Variants in SMIM23 observed in about 807,000 individuals in gnomAD.
SMIM23 encodes the protein small integral membrane protein 23.
Under a neutral mutation model 12.8 loss-of-function variants are expected in SMIM23, and 10 were observed. The ratio of observed to expected loss-of-function variants is 0.78; its 90% confidence interval spans 0.48 to 1.32. SMIM23 has a LOEUF of 1.32. Ranked by LOEUF, SMIM23 falls within the 40% of genes most tolerant of loss-of-function variation. SMIM23 has a pLI of 0.00. For missense variants in SMIM23, 184 were observed against 198.2 expected, an observed-to-expected ratio of 0.93 and a Z score of 0.43; for synonymous variants, 78 against 80.1, an observed-to-expected ratio of 0.97 and a Z score of 0.14.
At chr5:171,774,398 CA>C in the SMIM23 span, 1 of 456,270 alleles carries the variant, frequency 2.2e-6, no homozygotes, top group East Asian at 6.9e-5. Flanking sequence ...GTTACACAGG[CA>C]GTTAGCAGAA....
chr5:171,778,092 G>C (rs1581068826), upstream of SMIM23, among the ~76,000 whole-genome samples: 1 of 152,240 alleles, frequency 6.6e-6, no homozygotes, highest in Non-Finnish European at 1.5e-5. Flanking sequence ...GGGCACAGTG[G>C]CTCATGCCTG....
In SMIM23 at chr5:171,791,024, T is replaced by C. The variant is rs1642499282; in HGVS notation, c.455T>C (p.Leu152Pro). 1 of 1,534,046 alleles carries C rather than the reference T, an allele frequency of 6.5e-7. No homozygotes were observed. The highest frequency in any genetic ancestry group is 8.7e-7 in the Non-Finnish European group (1 of 1,146,386). Residue 152 changes from leucine (L) to proline (P), a missense_variant, in exon 4 of 4, where the codon CTG (leucine) becomes CCG (proline). By Grantham distance (98) the Leu-to-Pro change is moderately conservative. Coordinates refer to ENST00000523047, the MANE Select transcript of SMIM23 (RefSeq NM_001289970.2). ...CACTTGTGGGAGTGGGCCTGGGCCC[T>C]GGGGAGAGAGCACAAAGGTGGGGAG... ...KSHLWEWAWALGREHKGGEGL... is the reference protein window; with the variant it reads ...KSHLWEWAWAPGREHKGGEGL...
chr5:171,778,885 C>T (rs1043998196), upstream of SMIM23, among the ~76,000 whole-genome samples: 2 of 152,202 alleles, frequency 1.3e-5, no homozygotes, highest in African/African-American at 4.8e-5. Context: ...TGCCCCTGCC[C>T]ATGGTCCCAA....
chr5:171,789,481 A>T (rs1755882894), intron 1 of SMIM23, among the ~76,000 whole-genome samples: 1 of 152,258 alleles, frequency 6.6e-6, no homozygotes, highest in Non-Finnish European at 1.5e-5. Flanking sequence ...GAGTGTTCAT[A>T]GCACTTTTAT....
At chr5:171,773,680 T>G in the SMIM23 span, 1 of 417,530 alleles carries the variant, frequency 2.4e-6, no homozygotes, top group Non-Finnish European at 4.7e-6. Context: ...GCAGGCATAG[T>G]GTCCAGTAGC....
At position 171,791,028 on chromosome 5, in the gene SMIM23, G is replaced by A. The variant is rs1755916120; in HGVS notation, c.459G>A (p.Gly153=). 1 of 1,533,728 alleles carries A rather than the reference G, an allele frequency of 6.5e-7. No individual in the cohort carries two copies. The highest frequency in any genetic ancestry group is 2.4e-5 in the East Asian group (1 of 40,926). The change falls in exon 4 of 4, where the codon GGG becomes GGA. Residue 153 remains glycine, a synonymous_variant. Coordinates refer to ENST00000523047, the MANE Select transcript of SMIM23 (RefSeq NM_001289970.2). The part of the protein sequence containing the change: ...SHLWEWAWAL[G]REHKGGEGLL... ...TGTGGGAGTGGGCCTGGGCCCTGGG[G>A]AGAGAGCACAAAGGTGGGGAGGGGT...
At chr5:171,778,474 CACACACACACACACACACAGAT>C (rs1561587971), upstream of SMIM23, among the ~76,000 whole-genome samples, 3 of 148,674 alleles carry the variant, frequency 2.0e-5, no homozygotes, top group South Asian at 2.2e-4. Context: ...CACACACACA[CACACACACACACACACACAGAT>C]AGAGACAGAG....
upstream of SMIM23, among the ~76,000 whole-genome samples, chr5:171,783,564 A>G (rs1337856786): frequency 6.6e-6 from 1 of 152,264 alleles, no homozygotes; most frequent in East Asian, 1.9e-4. Context: ...ATTCCAAATG[A>G]ATCATGGGCT....
chr5:171,788,841 A>G (rs200956450), intron 1 of SMIM23, among the ~76,000 whole-genome samples: 30 of 151,932 alleles, frequency 2.0e-4, no homozygotes, highest in Non-Finnish European at 4.1e-4. Context: ...AAACGTGTAG[A>G]AAAAAAAATT....
chr5:171,778,761 T>C (rs1281377667), upstream of SMIM23, among the ~76,000 whole-genome samples: 2 of 152,232 alleles, frequency 1.3e-5, no homozygotes, highest in Non-Finnish European at 2.9e-5. Context: ...GAAGCCATAG[T>C]AACTAACACA....
rs1755837371 is a variant in SMIM23 at position 171,787,286 on chromosome 5, G to A, written c.105+1310G>A. ...ACCCGCCTCCGCCTCCCAAAGTGCT[G>A]GGATTACAGGTGTGAGCCACTTCTT... On this transcript the variant is annotated intron_variant, in intron 1 of 3. Coordinates refer to ENST00000523047, the MANE Select transcript of SMIM23 (RefSeq NM_001289970.2). Among the ~76,000 whole-genome samples, 3 of 152,106 alleles carry A rather than the reference G, an allele frequency of 2.0e-5. 1 individual carries two copies. Among genetic ancestry groups the A allele is most frequent in the South Asian group, 4.1e-4 (2 of 4,828 alleles).
upstream of SMIM23, among the ~76,000 whole-genome samples, chr5:171,778,465 AC>A (rs1755675606): frequency 6.8e-6 from 1 of 147,912 alleles, no homozygotes; most frequent in Admixed American, 6.7e-5. Flanking sequence ...ACACACACAC[AC>A]ACACACACAC....
upstream of SMIM23, among the ~76,000 whole-genome samples, chr5:171,784,093 A>G (rs1755770025): frequency 6.6e-6 from 1 of 152,240 alleles, no homozygotes; most frequent in Non-Finnish European, 1.5e-5. Flanking sequence ...ATAATAAAAA[A>G]TTGCTTAATA....
chr5:171,777,464 G>A (rs764421252), upstream of SMIM23, among the ~76,000 whole-genome samples: 1 of 152,188 alleles, frequency 6.6e-6, no homozygotes, highest in Non-Finnish European at 1.5e-5. Context: ...TTTTGGTGTG[G>A]CCTGTGGCCC....
At chr5:171,788,502 T>TA (rs1755860044) in intron 1 of SMIM23, among the ~76,000 whole-genome samples, 1 of 152,130 alleles carries the variant, frequency 6.6e-6, no homozygotes, top group African/African-American at 2.4e-5. Context: ...TTTATATATA[T>TA]TTTTTAAAAA....
At chr5:171,780,649 T>C (rs1326391633), upstream of SMIM23, among the ~76,000 whole-genome samples, 1 of 152,208 alleles carries the variant, frequency 6.6e-6, no homozygotes, top group Non-Finnish European at 1.5e-5. Context: ...CGTACCTGCA[T>C]TTGACATTTC....
At chr5:171,781,163 T>C (rs1274979513), upstream of SMIM23, among the ~76,000 whole-genome samples, 1 of 152,220 alleles carries the variant, frequency 6.6e-6, no homozygotes, top group Non-Finnish European at 1.5e-5. Context: ...GGTGCAGAAG[T>C]CCTCGGTAAG....
the SMIM23 span, among the ~76,000 whole-genome samples, chr5:171,774,176 C>A: frequency 6.6e-6 from 1 of 152,204 alleles, no homozygotes; most frequent in African/African-American, 2.4e-5. Flanking sequence ...CTGTTACTGT[C>A]CTAACACCTG....
chr5:171,790,297 T>A lies in SMIM23; in HGVS notation c.157+16T>A. Reference sequence around the variant, plus strand: ...GAGATATGGGGTGAGCATTCTGGAATCTGAGAAAGAAGGAACCAAATCCAC... The same window carrying A: ...GAGATATGGGGTGAGCATTCTGGAAACTGAGAAAGAAGGAACCAAATCCAC... On this transcript the variant is annotated intron_variant, in intron 2 of 3. Coordinates refer to ENST00000523047, the MANE Select transcript of SMIM23 (RefSeq NM_001289970.2). The A allele has an allele frequency of 6.5e-7, 1 of 1,536,038 alleles. No homozygotes were observed. Among genetic ancestry groups the A allele is most frequent in the Non-Finnish European group, 8.7e-7 (1 of 1,146,816 alleles).
Sources: allele counts gnomAD v4.1 joint callset (sites outside exome capture counted in the v4.1 genomes callset), GRCh38; gene constraint gnomAD v4.1.1; transcripts MANE v1.5; gene names NCBI Gene and HGNC (gene_info 2026-07-23, HGNC 2026-07-21).